CDKAL1: variants seen among roughly 807,000 people sequenced by gnomAD.
CDKAL1 encodes CDKAL1 threonylcarbamoyladenosine tRNA methylthiotransferase.
CDKAL1 carries 32 observed loss-of-function variants against 68.2 expected under a neutral mutation model. The observed-to-expected ratio is 0.47, with a 90% CI of 0.35 to 0.63. CDKAL1 has a LOEUF of 0.63. CDKAL1 is among the 30% of genes least tolerant of loss of function. The probability of loss-of-function intolerance (pLI) is 0.00; values close to 1 mark genes in which losing one functional copy is unlikely to be tolerated. For missense variants in CDKAL1, 606 were observed against 696.7 expected (o/e 0.87, Z 1.47); for synonymous variants, 234 against 244.3 (o/e 0.96, Z 0.39).
intron 10 of CDKAL1, among the ~76,000 whole-genome samples, chr6:20,957,890 G>C (rs1042091956): frequency 1.3e-5 from 2 of 150,112 alleles, no homozygotes; most frequent in African/African-American, 4.9e-5. Flanking sequence ...AGAATCGCTT[G>C]AGCCCAAGAG....
chr6:20,728,341 T>C (rs888145515), intron 5 of CDKAL1, among the ~76,000 whole-genome samples: 2 of 152,158 alleles, frequency 1.3e-5, no homozygotes, highest in South Asian at 4.1e-4. Flanking sequence ...AAAAGGAAGT[T>C]GTTGATTTTC....
chr6:20,711,772 T>A (rs1474347234), intron 5 of CDKAL1, among the ~76,000 whole-genome samples: 2 of 152,196 alleles, frequency 1.3e-5, no homozygotes, highest in Non-Finnish European at 2.9e-5. Flanking sequence ...GGTATCTTCG[T>A]TTGAGTGGTG....
chr6:21,032,939 T>G (rs1393596961), intron 11 of CDKAL1, among the ~76,000 whole-genome samples: 1 of 152,198 alleles, frequency 6.6e-6, no homozygotes, highest in Non-Finnish European at 1.5e-5. Context: ...AAATATTTGT[T>G]GTTGAAGAGT....
In CDKAL1 at chr6:20,597,927, G is replaced by A. The variant is rs116450457; in HGVS notation, c.286+49222G>A. Among the ~76,000 whole-genome samples the A allele has an allele frequency of 3.3e-3, 499 of 152,286 alleles. 3 individuals carry two copies. Among genetic ancestry groups the A allele is most frequent in the African/African-American group, 0.011 (470 of 41,554 alleles). Reference sequence around the variant, plus strand: ...TAAATGTCTTTCTTAATTGCAGACCGTGAGAGAAACGTGGTGGTGATCATT... The same window carrying A: ...TAAATGTCTTTCTTAATTGCAGACCATGAGAGAAACGTGGTGGTGATCATT... On this transcript the variant is annotated intron_variant, in intron 4 of 15. Coordinates refer to ENST00000274695, the MANE Select transcript of CDKAL1 (RefSeq NM_017774.3).
intron 8 of CDKAL1, among the ~76,000 whole-genome samples, chr6:20,822,242 A>T (rs1361773341): frequency 6.6e-6 from 1 of 152,196 alleles, no homozygotes; most frequent in Non-Finnish European, 1.5e-5. Flanking sequence ...AGTTGTTATA[A>T]TGAAGTAATG....
At chr6:20,714,419 C>A (rs1214335553) in intron 5 of CDKAL1, among the ~76,000 whole-genome samples, 4 of 111,380 alleles carry the variant, frequency 3.6e-5, no homozygotes, top group African/African-American at 1.4e-4. Flanking sequence ...GACAGAATCT[C>A]ACTCTGTCAC....
intron 13 of CDKAL1, among the ~76,000 whole-genome samples, chr6:21,128,408 A>G (rs1484039778): frequency 6.6e-6 from 1 of 152,216 alleles, no homozygotes; most frequent in Non-Finnish European, 1.5e-5. Context: ...TATGTTGAGA[A>G]TCATCTGTAA....
intron 9 of CDKAL1, among the ~76,000 whole-genome samples, chr6:20,918,198 C>G (rs553724960): frequency 6.6e-6 from 1 of 152,234 alleles, no homozygotes; most frequent in Non-Finnish European, 1.5e-5. Flanking sequence ...CTATGAGGAA[C>G]AGGTGCTCAC....
At chr6:21,228,733 C>T (rs927190736) in intron 15 of CDKAL1, among the ~76,000 whole-genome samples, 29 of 152,226 alleles carry the variant, frequency 1.9e-4, no homozygotes, top group African/African-American at 7.0e-4. Context: ...TTTTGAGGAA[C>T]TCACATAGTT....
At chr6:20,915,846 A>G (rs751153618) in intron 9 of CDKAL1, among the ~76,000 whole-genome samples, 1 of 152,200 alleles carries the variant, frequency 6.6e-6, no homozygotes, top group East Asian at 1.9e-4. Context: ...TGGTATATCC[A>G]TACAGTGGAG....
At chr6:20,806,473 C>T (rs1776576729) in intron 8 of CDKAL1, among the ~76,000 whole-genome samples, 1 of 152,056 alleles carries the variant, frequency 6.6e-6, no homozygotes, top group African/African-American at 2.4e-5. Context: ...AATTTATATT[C>T]CTTTTGGTAT....
intron 9 of CDKAL1, among the ~76,000 whole-genome samples, chr6:20,948,023 T>C (rs1400892457): frequency 6.6e-6 from 1 of 150,800 alleles, no homozygotes; most frequent in Non-Finnish European, 1.5e-5. Flanking sequence ...TTTTTTTTTT[T>C]TTTTTTTTTA....
At chr6:20,987,946 T>C (rs78717087) in intron 10 of CDKAL1, among the ~76,000 whole-genome samples, 1 of 144,574 alleles carries the variant, frequency 6.9e-6, no homozygotes, top group Non-Finnish European at 1.6e-5. Context: ...TCCCCAGCTT[T>C]TTTTTTTTTT....
At chr6:20,942,609 T>G (rs1764037724) in intron 9 of CDKAL1, among the ~76,000 whole-genome samples, 1 of 149,882 alleles carries the variant, frequency 6.7e-6, no homozygotes, top group Non-Finnish European at 1.5e-5. Context: ...TCAGGTGATC[T>G]GCCTGCCTTG....
intron 9 of CDKAL1, among the ~76,000 whole-genome samples, chr6:20,926,925 T>TTA (rs933715033): frequency 0.013 from 1,877 of 147,060 alleles, 46 homozygotes; most frequent in African/African-American, 0.044. Flanking sequence ...ATATATATTT[T>TTA]TATATATATA....
intron 4 of CDKAL1, among the ~76,000 whole-genome samples, chr6:20,554,883 T>C (rs1048003307): frequency 2.0e-5 from 3 of 152,222 alleles, no homozygotes; most frequent in African/African-American, 7.2e-5. Context: ...CAAAGACCAT[T>C]GACTGAGGCT....
intron 9 of CDKAL1, among the ~76,000 whole-genome samples, chr6:20,907,808 T>C (rs907769663): frequency 1.3e-5 from 2 of 152,152 alleles, no homozygotes; most frequent in African/African-American, 2.4e-5. Context: ...CTGGAGGGCC[T>C]TGGGGAGCAT....
chr6:20,801,403 C>A lies in CDKAL1; in HGVS notation c.638+20138C>A, dbSNP rs574110847. Among the ~76,000 whole-genome samples, 5 of 152,324 alleles carry A rather than the reference C, an allele frequency of 3.3e-5. No individual in the cohort carries two copies. The South Asian group carries it at 1.0e-3, about 32-fold the overall frequency. On this transcript the variant is annotated intron_variant, in intron 8 of 15. Coordinates refer to ENST00000274695, the MANE Select transcript of CDKAL1 (RefSeq NM_017774.3). ...GTCGAAAAAATTTTACAGTGCACAC[C>A]TGTCTACCCACCATGAAGATTGTTA...
chr6:20,731,313 G>A (rs915205242), intron 5 of CDKAL1, among the ~76,000 whole-genome samples: 1 of 152,178 alleles, frequency 6.6e-6, no homozygotes, highest in African/African-American at 2.4e-5. Context: ...AATGAAGATG[G>A]AAGGCAGCAG....
Sources: gnomAD v4.1 joint callset for allele counts (sites outside exome capture counted in the v4.1 genomes callset) on GRCh38, gnomAD v4.1.1 for gene constraint, MANE v1.5 for transcripts, NCBI Gene and HGNC (gene_info 2026-07-23, HGNC 2026-07-21) for gene names.